Variants in DNAH9 observed in about 807,000 individuals in gnomAD.
DNAH9 encodes the protein dynein axonemal heavy chain 9, also known as DNAH9 variant protein.
DNAH9 carries 345 observed loss-of-function variants against 471.6 expected under a neutral mutation model. The ratio of observed to expected loss-of-function variants is 0.73; its 90% confidence interval spans 0.67 to 0.80. The LOEUF (loss-of-function observed/expected upper bound fraction) is 0.80. Ranked by LOEUF, DNAH9 falls within the 30% of genes least tolerant of loss-of-function variation. DNAH9 has a pLI of 0.00. For synonymous variants in DNAH9, 2,093 were observed against 2,123.6 expected (o/e 0.99, Z 0.40); for missense variants, 5,407 against 5,609.2 (o/e 0.96, Z 1.15).
At chr17:11,781,885 G>A (rs114272148) in intron 39 of DNAH9, among the ~76,000 whole-genome samples, 8 of 148,828 alleles carry the variant, frequency 5.4e-5, no homozygotes, top group South Asian at 2.1e-4. Context: ...ACCATGCACC[G>A]TGTCTGCAGA....
At chr17:11,664,775 A>T in intron 14 of DNAH9, 58 bp from the exon 15 acceptor site, 1 of 1,391,006 alleles carries the variant, frequency 7.2e-7, no homozygotes, top group Non-Finnish European at 1.0e-6. Context: ...ACTGTTGATT[A>T]CACCAGTTCT....
intron 40 of DNAH9, 69 bp downstream of exon 40, chr17:11,783,817 G>A (rs781694372): frequency 4.6e-4 from 611 of 1,327,368 alleles, no homozygotes; most frequent in Non-Finnish European, 6.1e-4. Flanking sequence ...TTGATTATAA[G>A]TATAATAATT....
At position 11,854,131 on chromosome 17, in the gene DNAH9, G is replaced by T; in HGVS notation, c.9636G>T (p.Lys3212Asn). The T allele has an allele frequency of 6.2e-7, 1 of 1,614,136 alleles. No homozygotes were observed. Reference sequence around the variant, plus strand: ...AGGACCGGAGCTGGAAGGCTGCTAAGGTCACCATGGCCAAAGTGGATGGCT... The same window carrying T: ...AGGACCGGAGCTGGAAGGCTGCTAATGTCACCATGGCCAAAGTGGATGGCT... The part of the protein sequence containing the change: ...VPKDRSWKAA[K>N]VTMAKVDGFL... The change falls in exon 50 of 69, where the codon AAG becomes AAT. Residue 3212 changes from lysine (K) to asparagine (N), a missense_variant. Physicochemically the swap from Lys to Asn is moderately conservative, Grantham distance 94. Around this residue, in one of 3 missense-constraint regions of DNAH9, gnomAD observed 4,636 missense variants for 4,900.3 expected, o/e 0.95. Transcript: ENST00000262442.
intron 45 of DNAH9, among the ~76,000 whole-genome samples, chr17:11,815,900 T>G (rs1293623028): frequency 6.6e-6 from 1 of 152,224 alleles, no homozygotes; most frequent in African/African-American, 2.4e-5. Context: ...CTTCCTTCCT[T>G]GCTAGTCTCA....
At position 11,962,317 on chromosome 17, in the gene DNAH9, C is replaced by G; in HGVS notation, c.13233+61C>G. On this transcript the variant is annotated intron_variant, in intron 68 of 68. Transcript: ENST00000262442. The surrounding 1 kb of genome is among the most constrained non-coding windows in gnomAD (Gnocchi z 4.1). ...GGGGCTGATTAAATACACATTGCTT[C>G]CTATGAAGTGTGACTACTAAAAGAG... The G allele has an allele frequency of 6.6e-7, 1 of 1,511,782 alleles. No individual in the cohort carries two copies. The highest frequency in any genetic ancestry group is 8.8e-7 in the Non-Finnish European group (1 of 1,136,618). The allele number at this position is 1,511,782 out of a possible 1,614,324, so 93.6% of individuals were successfully genotyped here. A position where few individuals can be genotyped will look rare whatever the true frequency, so the allele number is the denominator to read the frequency against.
chr17:11,759,591 T>G (rs1967571487), intron 35 of DNAH9, among the ~76,000 whole-genome samples: 1 of 148,094 alleles, frequency 6.8e-6, no homozygotes, highest in Admixed American at 7.0e-5. Flanking sequence ...GGTGCGATCT[T>G]GGCTCACTGC....
chr17:11,905,417 C>T (rs534518852), intron 60 of DNAH9, among the ~76,000 whole-genome samples: 44 of 152,176 alleles, frequency 2.9e-4, no homozygotes, highest in African/African-American at 6.3e-4. Flanking sequence ...AGGGAGTCAG[C>T]GATGGCCTGC....
intron 19 of DNAH9, among the ~76,000 whole-genome samples, chr17:11,687,028 A>T (rs900430079): frequency 2.6e-5 from 4 of 152,126 alleles, no homozygotes; most frequent in African/African-American, 9.7e-5. Context: ...ACCCTTGGTG[A>T]TCTTTTTTGC....
intron 26 of DNAH9, among the ~76,000 whole-genome samples, chr17:11,718,211 C>A (rs1192772937): frequency 2.0e-5 from 3 of 152,228 alleles, no homozygotes; most frequent in Non-Finnish European, 2.9e-5. Flanking sequence ...TGGCTTCTTT[C>A]ACTTAGCATA....
In DNAH9 at chr17:11,619,731, T is replaced by C. The variant is rs1270896383; in HGVS notation, c.1300T>C (p.Leu434=). 1 of 1,614,064 alleles carries C rather than the reference T, an allele frequency of 6.2e-7. No homozygotes were observed. Among genetic ancestry groups the C allele is most frequent in the South Asian group, 1.1e-5 (1 of 91,066 alleles). The change falls in exon 6 of 69, where the codon TTG becomes CTG. Residue 434 remains leucine, a synonymous_variant. Coordinates refer to ENST00000262442, the MANE Select transcript of DNAH9 (RefSeq NM_001372.4). The part of the protein sequence containing the change: ...EVKEWDFQSS[L]VFVRLDGFLG... ...CAAGGAATGGGATTTCCAGTCTTCT[T>C]TGGTCTTTGTGCGATTGGATGGCTT... is the stretch of plus-strand genomic sequence containing the variant.
intron 45 of DNAH9, among the ~76,000 whole-genome samples, chr17:11,817,664 T>G (rs1970149345): frequency 6.6e-6 from 1 of 152,222 alleles, no homozygotes; most frequent in South Asian, 2.1e-4. Flanking sequence ...ATTTAAACTT[T>G]CAACACATGC....
chr17:11,797,875 C>A, intron 43 of DNAH9, 82 bp downstream of exon 43: 1 of 1,430,006 alleles, frequency 7.0e-7, no homozygotes, highest in Non-Finnish European at 9.5e-7. Context: ...TTTGAGGTCA[C>A]TTCCGTAAAG....
chr17:11,835,383 G>T lies in DNAH9; in HGVS notation c.9507+485G>T, dbSNP rs555330923. Among the ~76,000 whole-genome samples the T allele has an allele frequency of 5.9e-5, 9 of 152,190 alleles. No homozygotes were observed. In the South Asian group the frequency reaches 1.9e-3, roughly 32 times the overall value. ...GATAAGAGAATAAAATAATATGTTA[G>T]CCTCAAAATATACTTTTTAATCTAT... On this transcript the variant is annotated intron_variant, in intron 49 of 68. Coordinates refer to ENST00000262442, the MANE Select transcript of DNAH9 (RefSeq NM_001372.4).
At chr17:11,801,904 A>G (rs1471607061) in intron 43 of DNAH9, among the ~76,000 whole-genome samples, 2 of 152,206 alleles carry the variant, frequency 1.3e-5, no homozygotes, top group East Asian at 3.9e-4. Flanking sequence ...AAAAAAAATA[A>G]TAAGTACTGG....
chr17:11,962,081 A>C lies in DNAH9; in HGVS notation c.13058A>C (p.Gln4353Pro), dbSNP rs202052127. The stretch of plus-strand genomic sequence containing the variant: ...TGGCTGACAGGCTTCTTCAACCCCC[A>C]GTCGTTCCTGACTGCCATCATGCAG... ...TVWLTGFFNPQSFLTAIMQST... is the reference protein window; with the variant it reads ...TVWLTGFFNPPSFLTAIMQST... Residue 4353 changes from glutamine to proline, a missense_variant, in exon 68 of 69, where the codon CAG (glutamine) becomes CCG (proline). Transcript: ENST00000262442. This position sits in a 1 kb window ranked among gnomAD's most constrained non-coding sequence, Gnocchi z 4.1. The C allele has an allele frequency of 3.3e-5, 53 of 1,614,154 alleles. No individual in the cohort carries two copies. The highest frequency in any genetic ancestry group is 6.7e-5 in the Admixed American group (4 of 60,026).
intron 55 of DNAH9, chr17:11,883,106 T>A (rs921421337): frequency 3.0e-6 from 3 of 988,548 alleles, no homozygotes; most frequent in Non-Finnish European, 3.6e-6. Flanking sequence ...GAGGAAGCTT[T>A]TACACAGTCT....
intron 19 of DNAH9, among the ~76,000 whole-genome samples, chr17:11,687,983 A>G (rs1401116845): frequency 1.3e-5 from 2 of 148,928 alleles, no homozygotes; most frequent in East Asian, 4.1e-4. Context: ...AAATACAAAA[A>G]ATTAGCCAGT....
intron 11 of DNAH9, among the ~76,000 whole-genome samples, chr17:11,646,092 G>A (rs2073383417): frequency 6.6e-6 from 1 of 151,814 alleles, no homozygotes; most frequent in Non-Finnish European, 1.5e-5. Context: ...TGTTAGCCAG[G>A]ATTGTCTCGA....
intron 43 of DNAH9, among the ~76,000 whole-genome samples, chr17:11,798,586 T>A (rs1342656543): frequency 6.6e-6 from 1 of 151,986 alleles, no homozygotes; most frequent in Non-Finnish European, 1.5e-5. Context: ...TCCAAGACAG[T>A]CTAGCCTCAC....
Sources: allele counts gnomAD v4.1 joint callset (sites outside exome capture counted in the v4.1 genomes callset), GRCh38; gene constraint gnomAD v4.1.1; regional missense constraint gnomAD v4.1.1; non-coding constraint Gnocchi (gnomAD v3.1); transcripts MANE v1.5; gene names NCBI Gene and HGNC (gene_info 2026-07-23, HGNC 2026-07-21).